VLDLR: variants seen among roughly 807,000 people sequenced by gnomAD.
VLDLR encodes very low-density lipoprotein receptor.
In VLDLR, 81 loss-of-function variants were observed where a neutral mutation model predicts 112.7. That is an observed-to-expected ratio of 0.72 (90% CI 0.60 to 0.86). The LOEUF (loss-of-function observed/expected upper bound fraction) is 0.86. Ranked by LOEUF, VLDLR falls within the 40% of genes least tolerant of loss-of-function variation. VLDLR has a pLI of 0.00. For missense variants in VLDLR, 1,237 were observed against 1,099.4 expected, an observed-to-expected ratio of 1.13 and a Z score of -1.77; for synonymous variants, 436 against 384.8, an observed-to-expected ratio of 1.13 and a Z score of -1.56.
chr9:2,641,448 A>G lies in VLDLR; in HGVS notation c.397A>G (p.Arg133Gly). The G allele has an allele frequency of 6.2e-7, 1 of 1,614,190 alleles. No individual in the cohort carries two copies. The highest frequency in any genetic ancestry group is 8.5e-7 in the Non-Finnish European group (1 of 1,180,028). The change falls in exon 4 of 19, where the codon AGA becomes GGA. Residue 133 changes from arginine (R) to glycine (G), a missense_variant. Physicochemically the swap from Arg to Gly is moderately radical, Grantham distance 125. Transcript: ENST00000382100. ...HSTQCIPVSWRCDGENDCDSG... is the reference protein window; with the variant it reads ...HSTQCIPVSWGCDGENDCDSG... ...TACTCAGTGTATCCCAGTGTCCTGGAGATGTGATGGTGAAAATGATTGTGA... is the reference window on the plus strand; with the variant it reads ...TACTCAGTGTATCCCAGTGTCCTGGGGATGTGATGGTGAAAATGATTGTGA...
In VLDLR at chr9:2,658,160, C is replaced by T. The variant is rs561174704; in HGVS notation, c.*4292C>T. ...GATTATCAGCCATCTTTGCATATCC[C>T]TTTCACATCTACCTTCACACAGGAA... On this transcript the variant is annotated 3_prime_UTR_variant, in exon 19 of 19. Transcript: ENST00000382100. 6.6e-6 allele frequency: 1 copy of T among 152,308 alleles called. No individual in the cohort carries two copies. The highest frequency in any genetic ancestry group is 2.1e-4 in the South Asian group (1 of 4,826). The allele number at this position is 152,308 out of a possible 1,614,324, so 9.4% of individuals were successfully genotyped here.
At chr9:2,652,193 A>T (rs1483119388) in intron 17 of VLDLR, among the ~76,000 whole-genome samples, 2 of 152,134 alleles carry the variant, frequency 1.3e-5, no homozygotes, top group South Asian at 2.1e-4. Flanking sequence ...AATGCTTTCT[A>T]CTTCCGCACT....
Sources: allele counts gnomAD v4.1 joint callset (sites outside exome capture counted in the v4.1 genomes callset), GRCh38; gene constraint gnomAD v4.1.1; transcripts MANE v1.5; gene names NCBI Gene and HGNC (gene_info 2026-07-23, HGNC 2026-07-21).